Variants in ARSG observed in about 807,000 individuals in gnomAD.
ARSG encodes arylsulfatase G.
ARSG carries 37 observed loss-of-function variants against 50.5 expected under a neutral mutation model. The ratio of observed to expected loss-of-function variants is 0.73; its 90% CI spans 0.56 to 0.96. The LOEUF is 0.96. Ranked by LOEUF, ARSG falls within the 50% of genes least tolerant of loss-of-function variation. The pLI, the probability that ARSG is intolerant of heterozygous loss-of-function variation, is 0.00. For missense variants in ARSG, 629 were observed against 675.3 expected, an observed-to-expected ratio of 0.93 and a Z score of 0.76; for synonymous variants, 225 against 254.6, an observed-to-expected ratio of 0.88 and a Z score of 1.11.
intron 1 of ARSG, chr17:68,278,394 T>A: frequency 1.0e-6 from 1 of 973,388 alleles, no homozygotes; most frequent in Non-Finnish European, 1.6e-6. Context: ...CTCATACTCT[T>A]AAGCAAACAA....
intron 11 of ARSG, among the ~76,000 whole-genome samples, chr17:68,402,754 T>C (rs1249066819): frequency 6.6e-6 from 1 of 152,206 alleles, no homozygotes; most frequent in African/African-American, 2.4e-5. Flanking sequence ...CTTGATCTCC[T>C]GACCTCGTGA....
chr17:68,287,719 A>G (rs950535464), upstream of ARSG, among the ~76,000 whole-genome samples: 2 of 152,096 alleles, frequency 1.3e-5, no homozygotes, highest in African/African-American at 4.8e-5. Context: ...AAAGCATCCT[A>G]TGTCCTATTA....
chr17:68,280,024 C>G (rs1355254755), intron 1 of ARSG, among the ~76,000 whole-genome samples: 1 of 151,510 alleles, frequency 6.6e-6, no homozygotes, highest in Non-Finnish European at 1.5e-5. Flanking sequence ...TCTACTAAAA[C>G]TACAAAAATT....
intron 4 of ARSG, among the ~76,000 whole-genome samples, 172 bp from the exon 5 acceptor site, chr17:68,351,403 T>A (rs1031486277): frequency 5.3e-5 from 8 of 152,204 alleles, no homozygotes; most frequent in Admixed American, 4.6e-4. Context: ...CCCAGCAAAG[T>A]GATTTTCTAT....
chr17:68,333,425 C>T (rs560466854), intron 2 of ARSG, among the ~76,000 whole-genome samples: 60 of 152,094 alleles, frequency 3.9e-4, no homozygotes, highest in Admixed American at 2.8e-3. Context: ...GTCAGGAGTT[C>T]GAGACCAGCC....
chr17:68,306,036 CT>C (rs1555763871), intron 1 of ARSG, among the ~76,000 whole-genome samples: 2 of 149,754 alleles, frequency 1.3e-5, no homozygotes, highest in African/African-American at 4.9e-5. Flanking sequence ...GAGTTTTGTT[CT>C]TGTTGCCCAG....
chr17:68,339,828 C>A (rs1252381709), intron 2 of ARSG, among the ~76,000 whole-genome samples: 1 of 152,200 alleles, frequency 6.6e-6, no homozygotes, highest in Non-Finnish European at 1.5e-5. Flanking sequence ...GTGCATGACA[C>A]TAAACTTAAT....
At chr17:68,296,991 T>C (rs1409344066) in intron 1 of ARSG, among the ~76,000 whole-genome samples, 3 of 152,224 alleles carry the variant, frequency 2.0e-5, no homozygotes, top group Non-Finnish European at 4.4e-5. Flanking sequence ...TCATGTTACA[T>C]GCACTCATCC....
downstream of ARSG, among the ~76,000 whole-genome samples, chr17:68,422,930 C>G (rs1202752457): frequency 1.3e-5 from 2 of 152,084 alleles, no homozygotes; most frequent in Non-Finnish European, 2.9e-5. Context: ...AGTCTCTTTT[C>G]TTTCACTGCT....
intron 2 of ARSG, among the ~76,000 whole-genome samples, chr17:68,327,884 G>A (rs2077570894): frequency 6.6e-6 from 1 of 152,110 alleles, no homozygotes; most frequent in African/African-American, 2.4e-5. Flanking sequence ...CTTCGGGTGA[G>A]GGACAACCAT....
chr17:68,437,003 A>ATATATATATATAT, the ARSG span, among the ~76,000 whole-genome samples: 8 of 60,330 alleles, frequency 1.3e-4, no homozygotes, highest in Non-Finnish European at 2.4e-4. Flanking sequence ...CAAAAAAAAA[A>ATATATATATATAT]AAATATATAT....
chr17:68,354,473 GGA>G (rs2078947288), intron 5 of ARSG, among the ~76,000 whole-genome samples: 1 of 151,730 alleles, frequency 6.6e-6, no homozygotes, highest in African/African-American at 2.4e-5. Flanking sequence ...GGGTGGCTTA[GGA>G]GAGAGAGAAA....
At chr17:68,331,205 C>CTTTCTTTCTTTCTTTCTTTG in intron 2 of ARSG, among the ~76,000 whole-genome samples, 1 of 41,290 alleles carries the variant, frequency 2.4e-5, no homozygotes, top group East Asian at 5.3e-4. Flanking sequence ...TTCTTTCTTT[C>CTTTCTTTCTTTCTTTCTTTG]TTTCTTTCTT....
intron 2 of ARSG, among the ~76,000 whole-genome samples, chr17:68,331,866 G>A (rs1024433530): frequency 6.6e-6 from 1 of 152,148 alleles, no homozygotes; most frequent in Non-Finnish European, 1.5e-5. Context: ...GGGAGTGTAC[G>A]AATAGGGTGT....
intron 11 of ARSG, among the ~76,000 whole-genome samples, chr17:68,407,469 A>G (rs2081780852): frequency 6.6e-6 from 1 of 152,094 alleles, no homozygotes; most frequent in Non-Finnish European, 1.5e-5. Context: ...TTTTCACAAT[A>G]TTGATTCTAC....
intron 1 of ARSG, among the ~76,000 whole-genome samples, chr17:68,306,316 C>A (rs1555764043): frequency 6.6e-6 from 1 of 151,998 alleles, no homozygotes; most frequent in African/African-American, 2.4e-5. Context: ...TTTCTTGAAC[C>A]CGGGAGGCGG....
chr17:68,422,887 T>C (rs1474840136), downstream of ARSG, among the ~76,000 whole-genome samples: 5 of 152,146 alleles, frequency 3.3e-5, no homozygotes, highest in Non-Finnish European at 5.9e-5. Context: ...TCCTCCCGAA[T>C]GTAGCAGCTT....
rs745771176 is a variant in ARSG at position 68,357,570 on chromosome 17, G to A, written c.704+766G>A. On this transcript the variant is annotated intron_variant, in intron 6 of 11. Coordinates refer to ENST00000621439, the MANE Select transcript of ARSG (RefSeq NM_001267727.2). Reference sequence around the variant, plus strand: ...TGAAAACTCTCTTTTGCCATATACCGTAACATTCACAGATTCCAGGAATTA... The same window carrying A: ...TGAAAACTCTCTTTTGCCATATACCATAACATTCACAGATTCCAGGAATTA... Among the ~76,000 whole-genome samples the A allele has an allele frequency of 2.6e-5, 4 of 152,086 alleles. No homozygotes were observed. In the South Asian group the frequency reaches 6.2e-4, roughly 24 times the overall value.
intron 2 of ARSG, among the ~76,000 whole-genome samples, chr17:68,327,837 T>C (rs1432836182): frequency 1.3e-5 from 2 of 152,120 alleles, no homozygotes; most frequent in Non-Finnish European, 2.9e-5. Context: ...CAAAATGGCA[T>C]GACCAATCAG....
Sources: gnomAD v4.1 joint callset for allele counts (sites outside exome capture counted in the v4.1 genomes callset) on GRCh38, gnomAD v4.1.1 for gene constraint, MANE v1.5 for transcripts, NCBI Gene and HGNC (gene_info 2026-07-23, HGNC 2026-07-21) for gene names.